Variants in DENND2C observed in about 807,000 individuals in gnomAD.
The protein encoded by DENND2C is DENN domain containing 2C, also known as DENN domain-containing protein 2C.
Under a neutral mutation model 112.4 loss-of-function variants are expected in DENND2C, and 72 were observed. That is an observed-to-expected ratio of 0.64 (90% confidence interval 0.53 to 0.78). The LOEUF (loss-of-function observed/expected upper bound fraction) is 0.78, where lower values mean the gene tolerates loss of function less well. Among genes scored for constraint, DENND2C ranks in the 30% least tolerant of loss-of-function variants. The pLI is 0.00. For synonymous variants in DENND2C, 329 were observed against 381.6 expected, an observed-to-expected ratio of 0.86 and a Z score of 1.61; for missense variants, 992 against 1,113.8, an observed-to-expected ratio of 0.89 and a Z score of 1.56.
At chr1:114,595,706 G>GT (rs1333051666) in intron 17 of DENND2C, 126 bp downstream of exon 17, 2 of 833,348 alleles carry the variant, frequency 2.4e-6, no homozygotes, top group Non-Finnish European at 3.9e-6. Context: ...GTCAATTCAA[G>GT]TATGTGTAGG....
chr1:114,640,589 G>A lies in DENND2C; in HGVS notation c.-205+4859C>T, dbSNP rs72992534. Among the ~76,000 whole-genome samples the A allele has an allele frequency of 4.9e-3, 748 of 152,268 alleles. 8 individuals carry two copies. Among genetic ancestry groups the A allele is most frequent in the African/African-American group, 0.018 (730 of 41,546 alleles). ...GTATGGTCAGAAACTTGTGGAAAGC[G>A]TCTGTTCTAGAGACATTAAGGTCCA... On this transcript the variant is annotated intron_variant, in intron 3 of 20. Transcript: ENST00000393274.
At chr1:114,597,316 C>T (rs545741133) in intron 16 of DENND2C, among the ~76,000 whole-genome samples, 1 of 151,268 alleles carries the variant, frequency 6.6e-6, no homozygotes, top group Non-Finnish European at 1.5e-5. Flanking sequence ...TGGTAGCAGG[C>T]ACCTGTAATC....
chr1:114,669,367 G>A (rs1057248204), intron 1 of DENND2C, among the ~76,000 whole-genome samples: 2 of 152,126 alleles, frequency 1.3e-5, no homozygotes, highest in African/African-American at 4.8e-5. Flanking sequence ...TGGTTCCGCG[G>A]GTTCTGGCCC....
At chr1:114,603,686 C>A (rs1557942092) in intron 11 of DENND2C, among the ~76,000 whole-genome samples, 2 of 151,760 alleles carry the variant, frequency 1.3e-5, no homozygotes, top group Non-Finnish European at 2.9e-5. Flanking sequence ...AGCTACTGCA[C>A]ACCACCGTGT....
Position 114,608,819 on chromosome 1 carries a change from TA to T in DENND2C, c.1423del (p.Tyr475ThrfsTer32). 6.2e-7 allele frequency: 1 copy of T among 1,614,196 alleles called. No homozygotes were observed. Among genetic ancestry groups the T allele is most frequent in the Non-Finnish European group, 8.5e-7 (1 of 1,180,028 alleles). Reference sequence around the variant, plus strand: ...AATAAGATCCCGCTCCAAGGTCTGGTAGTGAGGATTCCTCTTGGAAGACGGT... The same window carrying T: ...AATAAGATCCCGCTCCAAGGTCTGGTGTGAGGATTCCTCTTGGAAGACGGT... ...LQPSSKRNPH[Y>X]QTLERDLIEL... On this transcript the variant is annotated frameshift_variant, in exon 10 of 21. Transcript: ENST00000393274. LOFTEE classifies it high-confidence loss of function.
At chr1:114,639,762 T>C (rs1570798630) in intron 3 of DENND2C, among the ~76,000 whole-genome samples, 1 of 151,130 alleles carries the variant, frequency 6.6e-6, no homozygotes, top group Non-Finnish European at 1.5e-5. Context: ...CAGGCTGGAG[T>C]GCAATGGCTT....
In DENND2C at chr1:114,623,095, G is replaced by A. The variant is rs1480445632; in HGVS notation, c.948C>T (p.Pro316=). The A allele has an allele frequency of 6.3e-7, 1 of 1,599,864 alleles. No individual in the cohort carries two copies. Among genetic ancestry groups the A allele is most frequent in the African/African-American group, 1.3e-5 (1 of 74,284 alleles). ...EDNIYEDIIY[P]TKENPYEDIP... is the part of the protein sequence containing the mutation. ...TATCTTCATATGGATTTTCTTTGGTGGGATCTTAAAAAATAATTTAAAAAA... is the reference window on the plus strand; with the variant it reads ...TATCTTCATATGGATTTTCTTTGGTAGGATCTTAAAAAATAATTTAAAAAA... Residue 316 remains proline, a synonymous_variant, in exon 6 of 21, where the codon CCC becomes CCT. Coordinates refer to ENST00000393274, the MANE Select transcript of DENND2C (RefSeq NM_001256404.2).
At chr1:114,665,504 T>C (rs1199347989) in intron 1 of DENND2C, among the ~76,000 whole-genome samples, 1 of 152,220 alleles carries the variant, frequency 6.6e-6, no homozygotes, top group Non-Finnish European at 1.5e-5. Flanking sequence ...AAGCAGTATG[T>C]GCTCAGTACC....
chr1:114,587,552 A>C, intron 19 of DENND2C, 79 bp from the exon 20 acceptor site: 1 of 1,529,486 alleles, frequency 6.5e-7, no homozygotes, highest in Non-Finnish European at 9.0e-7. Context: ...GCTTATAACC[A>C]GTGTATTATT....
rs778549627 is a variant in DENND2C, at chr1:114,626,257, T to C, written c.-204-69A>G. 109 of 331,284 alleles carry C rather than the reference T, an allele frequency of 3.3e-4. 1 individual carries two copies. The highest frequency in any genetic ancestry group is 2.8e-4 in the Non-Finnish European group (51 of 180,032). The allele number at this position is 331,284 out of a possible 1,614,324, so 20.5% of individuals were successfully genotyped here. The stretch of plus-strand genomic sequence containing the variant: ...CCTAATTTAAAACTCCACTAAAACA[T>C]TGCCCACCTATCCCTACATAATTCA... On this transcript the variant is annotated intron_variant, in intron 3 of 20. Transcript: ENST00000393274.
intron 2 of DENND2C, among the ~76,000 whole-genome samples, chr1:114,649,983 A>C (rs1472493794): frequency 6.6e-6 from 1 of 152,148 alleles, no homozygotes; most frequent in Non-Finnish European, 1.5e-5. Context: ...ATTACAGTGT[A>C]TACATAATTG....
At chr1:114,586,554 T>C (rs1416814514) in intron 20 of DENND2C, among the ~76,000 whole-genome samples, 1 of 152,056 alleles carries the variant, frequency 6.6e-6, no homozygotes, top group Non-Finnish European at 1.5e-5. Flanking sequence ...TTGAGAAAAA[T>C]GCTGCTTTTT....
intron 20 of DENND2C, 99 bp from the exon 21 acceptor site, chr1:114,585,730 C>G: frequency 8.0e-7 from 1 of 1,250,196 alleles, no homozygotes; most frequent in Non-Finnish European, 1.2e-6. Context: ...CAGAACAGCC[C>G]AAGAGTTAAG....
chr1:114,583,967 T>C lies in DENND2C; in HGVS notation c.*1633A>G, dbSNP rs190236272. On this transcript the variant is annotated 3_prime_UTR_variant, in exon 21 of 21. Coordinates refer to ENST00000393274, the MANE Select transcript of DENND2C (RefSeq NM_001256404.2). ...GACTAAGTGGTATATGTTCAAGGAA[T>C]GTTCATATTTTGAGTCTAATTTAAT... 4 of 152,324 alleles carry C rather than the reference T, an allele frequency of 2.6e-5. No individual in the cohort carries two copies. The highest frequency in any genetic ancestry group is 7.2e-5 in the African/African-American group (3 of 41,574). The allele number at this position is 152,324 out of a possible 1,614,324, so 9.4% of individuals were successfully genotyped here. A position where few individuals can be genotyped will look rare whatever the true frequency, so the allele number is the denominator to read the frequency against.
intron 4 of DENND2C, 32 bp from the exon 5 acceptor site, chr1:114,623,675 T>C (rs1028959229): frequency 3.6e-5 from 53 of 1,476,656 alleles, no homozygotes; most frequent in Admixed American, 4.8e-5. Context: ...TAAAGTTATA[T>C]CTTTCAAAAC....
intron 2 of DENND2C, among the ~76,000 whole-genome samples, chr1:114,650,562 T>G (rs1657128030): frequency 6.8e-6 from 1 of 147,428 alleles, no homozygotes; most frequent in African/African-American, 2.5e-5. Flanking sequence ...TAGTCCCAGC[T>G]ACTCAGGAGG....
chr1:114,590,604 C>G (rs1183238053), intron 18 of DENND2C, among the ~76,000 whole-genome samples: 2 of 151,288 alleles, frequency 1.3e-5, no homozygotes, highest in East Asian at 3.9e-4. Context: ...TGGTGAAACC[C>G]CATCTCTACT....
chr1:114,651,450 TAAAAATA>T (rs910353059), intron 2 of DENND2C, among the ~76,000 whole-genome samples: 2 of 151,830 alleles, frequency 1.3e-5, no homozygotes, highest in African/African-American at 2.4e-5. Flanking sequence ...AGACTGTCCC[TAAAAATA>T]AAAAATAAAA....
chr1:114,616,263 T>G (rs572728189), intron 8 of DENND2C, among the ~76,000 whole-genome samples: 4 of 151,178 alleles, frequency 2.6e-5, no homozygotes, highest in African/African-American at 9.7e-5. Context: ...TGGTGCCGTG[T>G]GCCTGTAATC....
Sources: allele counts gnomAD v4.1 joint callset (sites outside exome capture counted in the v4.1 genomes callset), GRCh38; gene constraint gnomAD v4.1.1; transcripts MANE v1.5; gene names NCBI Gene and HGNC (gene_info 2026-07-23, HGNC 2026-07-21).